CDH12: variants seen among roughly 807,000 people sequenced by gnomAD.
CDH12 encodes the protein cadherin-12.
In CDH12, 41 loss-of-function variants were observed where a neutral mutation model predicts 74.1. The ratio of observed to expected loss-of-function variants is 0.55; its 90% CI spans 0.43 to 0.72. The LOEUF is 0.72. Among genes scored for constraint, CDH12 ranks in the 30% least tolerant of loss-of-function variants. The pLI is 0.00. For missense variants in CDH12, 945 were observed against 977.2 expected, an observed-to-expected ratio of 0.97 and a Z score of 0.44; for synonymous variants, 399 against 355.0, an observed-to-expected ratio of 1.12 and a Z score of -1.39.
intron 1 of CDH12, among the ~76,000 whole-genome samples, chr5:22,596,668 T>C (rs1015939130): frequency 6.6e-6 from 1 of 152,214 alleles, no homozygotes; most frequent in Non-Finnish European, 1.5e-5. Context: ...TCTTATTTAA[T>C]ATTTTAACAC....
At chr5:21,893,443 T>C (rs1158168486) in intron 6 of CDH12, among the ~76,000 whole-genome samples, 1 of 152,210 alleles carries the variant, frequency 6.6e-6, no homozygotes, top group African/African-American at 2.4e-5. Context: ...TATCTCTTTG[T>C]AAGCAGACAC....
chr5:22,682,500 A>G (rs1160826472), intron 1 of CDH12, among the ~76,000 whole-genome samples: 1 of 152,070 alleles, frequency 6.6e-6, no homozygotes, highest in Admixed American at 6.6e-5. Context: ...TATACAACAG[A>G]GATTCTATTT....
intron 11 of CDH12, among the ~76,000 whole-genome samples, chr5:21,782,090 C>T (rs902597226): frequency 2.0e-5 from 3 of 152,086 alleles, no homozygotes; most frequent in African/African-American, 7.2e-5. Flanking sequence ...GTACAGTGGA[C>T]TGGACTAGAA....
chr5:22,819,980 T>C (rs1041132711), intron 1 of CDH12, among the ~76,000 whole-genome samples: 2 of 147,558 alleles, frequency 1.4e-5, no homozygotes, highest in Non-Finnish European at 3.0e-5. Flanking sequence ...TACATATACA[T>C]ATATATACAT....
intron 5 of CDH12, among the ~76,000 whole-genome samples, chr5:22,068,712 A>G (rs900500605): frequency 6.6e-6 from 1 of 152,224 alleles, no homozygotes; most frequent in Non-Finnish European, 1.5e-5. Flanking sequence ...GTTTACAAAA[A>G]GGTAACATCA....
intron 2 of CDH12, among the ~76,000 whole-genome samples, chr5:22,466,877 C>T (rs976539021): frequency 3.4e-5 from 5 of 148,856 alleles, no homozygotes; most frequent in African/African-American, 1.2e-4. Flanking sequence ...CAACCTCTGC[C>T]TCCCGGGTTC....
At chr5:22,483,586 C>G (rs985445659) in intron 2 of CDH12, among the ~76,000 whole-genome samples, 1 of 149,846 alleles carries the variant, frequency 6.7e-6, no homozygotes, top group African/African-American at 2.5e-5. Context: ...GAGCTCTGTA[C>G]ACAGTGAGGG....
At chr5:22,485,221 A>G (rs1408204506) in intron 2 of CDH12, among the ~76,000 whole-genome samples, 3 of 152,004 alleles carry the variant, frequency 2.0e-5, no homozygotes, top group Non-Finnish European at 4.4e-5. Context: ...TCACTGTGTC[A>G]CCCAGGCTGG....
At chr5:22,609,041 G>T (rs553219235) in intron 1 of CDH12, among the ~76,000 whole-genome samples, 53 of 152,234 alleles carry the variant, frequency 3.5e-4, no homozygotes, top group Admixed American at 1.4e-3. Context: ...AAATCCTGAA[G>T]GAACCACCCA....
chr5:22,337,234 C>T (rs1739628420), intron 3 of CDH12, among the ~76,000 whole-genome samples: 2 of 152,142 alleles, frequency 1.3e-5, no homozygotes, highest in African/African-American at 2.4e-5. Context: ...TTTACAGGCT[C>T]ATAGGCAGAA....
chr5:22,003,054 T>G (rs1050000129), intron 5 of CDH12, among the ~76,000 whole-genome samples: 4 of 152,112 alleles, frequency 2.6e-5, no homozygotes, highest in African/African-American at 9.7e-5. Flanking sequence ...CTGCATAGTT[T>G]TCACTTTAAT....
intron 5 of CDH12, among the ~76,000 whole-genome samples, chr5:22,033,755 T>C (rs370248092): frequency 2.6e-5 from 4 of 152,246 alleles, no homozygotes. Context: ...AAACAATCCT[T>C]ACATATTTTT....
intron 2 of CDH12, among the ~76,000 whole-genome samples, chr5:22,406,192 C>G (rs564921503): frequency 1.2e-4 from 18 of 152,226 alleles, no homozygotes; most frequent in African/African-American, 4.1e-4. Context: ...TAACTTTAAT[C>G]ATTACAACAA....
chr5:22,295,586 A>G lies in CDH12; in HGVS notation c.-332-82943T>C, dbSNP rs1240321212. On this transcript the variant is annotated intron_variant, in intron 3 of 14. Transcript: ENST00000382254. ...ATATTTTTAGTATAGTGTTATTTTA[A>G]TGGAAGTAATTAGTCCATTTAATGG... Among the ~76,000 whole-genome samples the G allele has an allele frequency of 2.6e-5, 4 of 152,310 alleles. No homozygotes were observed. The East Asian group carries it at 7.7e-4, about 29-fold the overall frequency.
At chr5:22,016,623 T>C (rs1308164281) in intron 5 of CDH12, among the ~76,000 whole-genome samples, 1 of 152,154 alleles carries the variant, frequency 6.6e-6, no homozygotes, top group East Asian at 1.9e-4. Flanking sequence ...TGACCTCAAG[T>C]GATCTGCCCT....
intron 1 of CDH12, among the ~76,000 whole-genome samples, chr5:22,620,618 T>C (rs1226513052): frequency 6.6e-6 from 1 of 152,168 alleles, no homozygotes; most frequent in Non-Finnish European, 1.5e-5. Context: ...CTTCCTATTT[T>C]AGGGTTCATT....
At chr5:22,215,121 C>A (rs1326515228) in intron 3 of CDH12, among the ~76,000 whole-genome samples, 1 of 152,118 alleles carries the variant, frequency 6.6e-6, no homozygotes, top group Non-Finnish European at 1.5e-5. Context: ...TTCTATTAAG[C>A]AGACATTATA....
At chr5:22,775,632 T>C (rs1747051386) in intron 1 of CDH12, among the ~76,000 whole-genome samples, 1 of 151,966 alleles carries the variant, frequency 6.6e-6, no homozygotes, top group Non-Finnish European at 1.5e-5. Flanking sequence ...ATTAACAACA[T>C]TGTGTAGACT....
At chr5:22,817,021 C>T (rs1749426927) in intron 1 of CDH12, among the ~76,000 whole-genome samples, 1 of 152,152 alleles carries the variant, frequency 6.6e-6, no homozygotes, top group African/African-American at 2.4e-5. Context: ...AATTCTCTAA[C>T]TCACATCTAA....
Sources: allele counts gnomAD v4.1 joint callset (sites outside exome capture counted in the v4.1 genomes callset), GRCh38; gene constraint gnomAD v4.1.1; transcripts MANE v1.5; gene names NCBI Gene and HGNC (gene_info 2026-07-23, HGNC 2026-07-21).